The following RSRC1 variants were observed in gnomAD, a reference collection of about 807,000 sequenced individuals.
The protein encoded by RSRC1 is serine/Arginine-related protein 53.
In RSRC1, 39 loss-of-function variants were observed where a neutral mutation model predicts 49.1. The observed-to-expected ratio is 0.79, with a 90% CI of 0.61 to 1.04. The LOEUF (loss-of-function observed/expected upper bound fraction) is 1.04. Among genes scored for constraint, RSRC1 ranks in the 50% least tolerant of loss-of-function variants. The pLI, the probability that RSRC1 is intolerant of heterozygous loss-of-function variation, is 0.00. For missense variants in RSRC1, 388 were observed against 402.4 expected (o/e 0.96, Z 0.31); for synonymous variants, 143 against 130.8 (o/e 1.09, Z -0.63).
At chr3:158,449,751 A>C (rs1433525027) in intron 6 of RSRC1, among the ~76,000 whole-genome samples, 1 of 151,994 alleles carries the variant, frequency 6.6e-6, no homozygotes, top group Non-Finnish European at 1.5e-5. Flanking sequence ...GACTGCACTG[A>C]ATATGATTTG....
chr3:158,169,431 G>C (rs533207359), intron 3 of RSRC1, among the ~76,000 whole-genome samples: 1 of 151,804 alleles, frequency 6.6e-6, no homozygotes, highest in African/African-American at 2.4e-5. Context: ...GGAAGTGTTT[G>C]CTTCTGGCTT....
chr3:158,492,498 T>C (rs2108448886), intron 7 of RSRC1, among the ~76,000 whole-genome samples: 1 of 152,314 alleles, frequency 6.6e-6, no homozygotes, highest in South Asian at 2.1e-4. Flanking sequence ...CTGCAGATGA[T>C]ATAGGAAATT....
At chr3:158,422,897 T>C (rs888228568) in intron 6 of RSRC1, among the ~76,000 whole-genome samples, 9 of 152,070 alleles carry the variant, frequency 5.9e-5, no homozygotes, top group African/African-American at 2.2e-4. Flanking sequence ...TCTGTTCATG[T>C]CCTTCGCCCA....
intron 4 of RSRC1, among the ~76,000 whole-genome samples, chr3:158,282,964 G>A (rs1726266822): frequency 6.6e-6 from 1 of 152,128 alleles, no homozygotes; most frequent in African/African-American, 2.4e-5. Flanking sequence ...ACAAAGTGGG[G>A]ATACATTATT....
At chr3:158,482,736 T>C (rs375996791) in intron 7 of RSRC1, among the ~76,000 whole-genome samples, 2 of 152,040 alleles carry the variant, frequency 1.3e-5, no homozygotes, top group African/African-American at 2.4e-5. Flanking sequence ...CTTAGAAGTA[T>C]AGTAAACAAT....
chr3:158,467,434 AATCT>A (rs1238087700), intron 7 of RSRC1, among the ~76,000 whole-genome samples: 1 of 152,224 alleles, frequency 6.6e-6, no homozygotes, highest in East Asian at 1.9e-4. Context: ...GTATGATAAT[AATCT>A]ATCTACTATC....
rs955992431 is a variant in RSRC1, at chr3:158,146,036, T to C, written c.320+22045T>C. 4.6e-5 allele frequency among the ~76,000 whole-genome samples: 7 copies of C among 152,164 alleles called. No individual in the cohort carries two copies. The East Asian group carries it at 5.8e-4, about 13-fold the overall frequency. ...AGCTTAAGGAGATTTTGGGCTGAGA[T>C]GATGGGGTTTTCTGGATATACAATC... On this transcript the variant is annotated intron_variant, in intron 3 of 9. Coordinates refer to ENST00000611884, the MANE Select transcript of RSRC1 (RefSeq NM_001271838.2).
rs1450957802 is a variant in RSRC1, at chr3:158,154,465, G to T, written c.320+30474G>T. Among the ~76,000 whole-genome samples, 5 of 138,780 alleles carry T rather than the reference G, an allele frequency of 3.6e-5. No individual in the cohort carries two copies. In the Admixed American group the frequency reaches 3.8e-4, roughly 11 times the overall value. 91.0% of individuals were successfully genotyped at this position (138,780 alleles called of 152,430 possible). A position where few individuals can be genotyped will look rare whatever the true frequency, so the allele number is the denominator to read the frequency against. On this transcript the variant is annotated intron_variant, in intron 3 of 9. Coordinates refer to ENST00000611884, the MANE Select transcript of RSRC1 (RefSeq NM_001271838.2). Reference sequence around the variant, plus strand: ...GTTGTCTAGTATTTTACCGATCATAGAACTTTTTTTTTTTTTTGAGAGGGA... The same window carrying T: ...GTTGTCTAGTATTTTACCGATCATATAACTTTTTTTTTTTTTTGAGAGGGA...
chr3:158,306,673 G>A (rs1243010563), intron 5 of RSRC1, among the ~76,000 whole-genome samples: 1 of 151,760 alleles, frequency 6.6e-6, no homozygotes, highest in African/African-American at 2.4e-5. Flanking sequence ...TAGAAAAGGG[G>A]CTTGTGACAT....
intron 4 of RSRC1, among the ~76,000 whole-genome samples, chr3:158,218,935 C>T (rs1722093616): frequency 6.6e-6 from 1 of 151,560 alleles, no homozygotes; most frequent in Admixed American, 6.6e-5. Flanking sequence ...CAAGAAACTT[C>T]CATGTAGTTT....
chr3:158,301,979 T>G (rs1293433276), intron 5 of RSRC1, among the ~76,000 whole-genome samples: 2 of 98,140 alleles, frequency 2.0e-5, no homozygotes, highest in Admixed American at 1.1e-4. Context: ...TTTTGTTTTT[T>G]GGGGTTTTTT....
intron 2 of RSRC1, 38 bp from the exon 3 acceptor site, chr3:158,123,828 T>C: frequency 6.4e-7 from 1 of 1,565,382 alleles, no homozygotes; most frequent in Non-Finnish European, 8.6e-7. Context: ...ATAATAAAAA[T>C]TTTTATAGCA....
chr3:158,496,160 G>A (rs1578545148), intron 7 of RSRC1, among the ~76,000 whole-genome samples: 1 of 152,014 alleles, frequency 6.6e-6, no homozygotes, highest in South Asian at 2.1e-4. Flanking sequence ...CGGTGCAATT[G>A]GGGCACAAAA....
chr3:158,271,294 G>A (rs1520666), intron 4 of RSRC1, among the ~76,000 whole-genome samples: 143,996 of 152,140 alleles, frequency 0.95, 68,248 homozygotes, highest in East Asian at 1. Flanking sequence ...TAGCAATATT[G>A]TTTCCTGAAT....
intron 5 of RSRC1, among the ~76,000 whole-genome samples, chr3:158,337,876 T>C (rs1441845175): frequency 6.6e-6 from 1 of 152,230 alleles, no homozygotes; most frequent in East Asian, 1.9e-4. Flanking sequence ...TTTACTGAGT[T>C]TTCATTTTAT....
At chr3:158,389,472 G>T (rs1323529663) in intron 6 of RSRC1, among the ~76,000 whole-genome samples, 2 of 152,070 alleles carry the variant, frequency 1.3e-5, no homozygotes, top group African/African-American at 4.8e-5. Flanking sequence ...CTATACATAT[G>T]TACCCACATG....
chr3:158,533,643 T>C (rs1714507), intron 7 of RSRC1, among the ~76,000 whole-genome samples: 1 of 151,348 alleles, frequency 6.6e-6, no homozygotes, highest in Non-Finnish European at 1.5e-5. Context: ...AAAATTCAAG[T>C]GGTCCAACAT....
At chr3:158,231,221 A>G (rs987694265) in intron 4 of RSRC1, among the ~76,000 whole-genome samples, 2 of 138,408 alleles carry the variant, frequency 1.4e-5, no homozygotes, top group Admixed American at 1.7e-4. Context: ...TCAGCTCACT[A>G]CAGCCCCAAC....
chr3:158,251,530 G>T (rs949687707), intron 4 of RSRC1, among the ~76,000 whole-genome samples: 3 of 151,822 alleles, frequency 2.0e-5, no homozygotes, highest in Non-Finnish European at 4.4e-5. Flanking sequence ...AGAGATCTTT[G>T]TTTTTTGGTT....
Sources: gnomAD v4.1 joint callset for allele counts (sites outside exome capture counted in the v4.1 genomes callset) on GRCh38, gnomAD v4.1.1 for gene constraint, MANE v1.5 for transcripts, NCBI Gene and HGNC (gene_info 2026-07-23, HGNC 2026-07-21) for gene names.